ST8SIA1: variants seen among roughly 807,000 people sequenced by gnomAD.
The protein encoded by ST8SIA1 is ST8 alpha-N-acetyl-neuraminide alpha-2,8-sialyltransferase 1.
A neutral mutation model predicts 35.9 loss-of-function variants in ST8SIA1; 16 were observed. The ratio of observed to expected loss-of-function variants is 0.45; its 90% CI spans 0.30 to 0.68. The LOEUF (loss-of-function observed/expected upper bound fraction) is 0.68, where lower values mean the gene tolerates loss of function less well. Ranked by LOEUF, ST8SIA1 falls within the 30% of genes least tolerant of loss-of-function variation. The pLI, the probability that ST8SIA1 is intolerant of heterozygous loss-of-function variation, is 0.09. For missense variants in ST8SIA1, 383 were observed against 453.6 expected, an observed-to-expected ratio of 0.84 and a Z score of 1.41; for synonymous variants, 170 against 169.6, an observed-to-expected ratio of 1.00 and a Z score of -0.02.
chr12:22,268,810 A>C (rs1865878162), intron 2 of ST8SIA1, among the ~76,000 whole-genome samples: 1 of 152,128 alleles, frequency 6.6e-6, no homozygotes, highest in Non-Finnish European at 1.5e-5. Flanking sequence ...CTGGGTGGGG[A>C]CACAGCCAAA....
chr12:22,322,946 C>T (rs1333344014), intron 1 of ST8SIA1, among the ~76,000 whole-genome samples: 1 of 152,132 alleles, frequency 6.6e-6, no homozygotes, highest in Non-Finnish European at 1.5e-5. Flanking sequence ...AAATCTCTAC[C>T]TTATCATGAA....
intron 1 of ST8SIA1, among the ~76,000 whole-genome samples, chr12:22,323,803 G>A (rs1184874224): frequency 6.6e-6 from 1 of 152,104 alleles, no homozygotes; most frequent in Non-Finnish European, 1.5e-5. Context: ...AGAGCTGATC[G>A]ATGAGAACAC....
At chr12:22,243,205 A>T (rs2120732970) in intron 4 of ST8SIA1, among the ~76,000 whole-genome samples, 1 of 152,244 alleles carries the variant, frequency 6.6e-6, no homozygotes, top group East Asian at 1.9e-4. Context: ...ATAACTTCTG[A>T]TAGAATATTT....
intron 4 of ST8SIA1, among the ~76,000 whole-genome samples, chr12:22,228,008 T>A (rs1865377970): frequency 6.6e-6 from 1 of 152,218 alleles, no homozygotes; most frequent in African/African-American, 2.4e-5. Context: ...CTTCTTCTCA[T>A]CTTCCCTCCT....
At chr12:22,285,732 T>G (rs1866089516) in intron 2 of ST8SIA1, among the ~76,000 whole-genome samples, 5 of 151,982 alleles carry the variant, frequency 3.3e-5, no homozygotes, top group Admixed American at 3.3e-4. Flanking sequence ...CAGCTGGGTA[T>G]GGTGGCACAT....
intron 1 of ST8SIA1, among the ~76,000 whole-genome samples, chr12:22,305,581 AT>A (rs1866374402): frequency 6.6e-6 from 1 of 152,016 alleles, no homozygotes; most frequent in Non-Finnish European, 1.5e-5. Context: ...GGGTTTCACC[AT>A]GTTGGTCAGG....
chr12:22,296,063 C>T (rs1333170478), intron 1 of ST8SIA1, among the ~76,000 whole-genome samples: 2 of 152,118 alleles, frequency 1.3e-5, no homozygotes, highest in African/African-American at 4.8e-5. Context: ...TTTTGGGGGG[C>T]ATAATCTGCT....
intron 1 of ST8SIA1, among the ~76,000 whole-genome samples, chr12:22,298,544 G>T (rs1346319282): frequency 6.6e-6 from 1 of 152,132 alleles, no homozygotes; most frequent in African/African-American, 2.4e-5. Flanking sequence ...TTTGTGCATG[G>T]TTTTTTCCTA....
intron 4 of ST8SIA1, among the ~76,000 whole-genome samples, chr12:22,206,536 C>T (rs1202163291): frequency 6.6e-6 from 1 of 152,158 alleles, no homozygotes; most frequent in Non-Finnish European, 1.5e-5. Flanking sequence ...GCTGGCTCAG[C>T]CCAGGGAAAT....
chr12:22,323,779 C>T (rs1452360145), intron 1 of ST8SIA1, among the ~76,000 whole-genome samples: 1 of 152,158 alleles, frequency 6.6e-6, no homozygotes, highest in Non-Finnish European at 1.5e-5. Flanking sequence ...ACTGTATGTT[C>T]TCACTTATAA....
intron 1 of ST8SIA1, among the ~76,000 whole-genome samples, chr12:22,299,942 A>G (rs912308668): frequency 6.6e-6 from 1 of 152,138 alleles, no homozygotes; most frequent in Non-Finnish European, 1.5e-5. Flanking sequence ...AACATAATAT[A>G]TTCTGTGCAC....
intron 2 of ST8SIA1, among the ~76,000 whole-genome samples, chr12:22,266,807 G>A (rs1443434790): frequency 6.6e-6 from 1 of 150,446 alleles, no homozygotes; most frequent in Non-Finnish European, 1.5e-5. Context: ...TTGAAAAAAT[G>A]TGTGTACACA....
Position 22,201,543 on chromosome 12 carries a change from C to T in ST8SIA1, c.*9G>A. 1 of 1,591,122 alleles carries T rather than the reference C, an allele frequency of 6.3e-7. No homozygotes were observed. The highest frequency in any genetic ancestry group is 8.5e-7 in the Non-Finnish European group (1 of 1,170,238). On this transcript the variant is annotated 3_prime_UTR_variant, in exon 5 of 5. Coordinates refer to ENST00000396037, the MANE Select transcript of ST8SIA1 (RefSeq NM_003034.4). ...TACCCTGGTTCAGTCCTTTCTTCTT[C>T]CATTGTTCCTAGGAAGTGGGCTGGA...
At position 22,334,279 on chromosome 12, in the gene ST8SIA1, G is replaced by T. The variant is rs781178418; in HGVS notation, c.-47C>A. 27 of 1,504,470 alleles carry T rather than the reference G, an allele frequency of 1.8e-5. No homozygotes were observed. The highest frequency in any genetic ancestry group is 7.3e-5 in the Admixed American group (4 of 55,016). 93.2% of individuals were successfully genotyped at this position (1,504,470 alleles called of 1,614,324 possible). A position where few individuals can be genotyped will look rare whatever the true frequency, so the allele number is the denominator to read the frequency against. On this transcript the variant is annotated 5_prime_UTR_variant, in exon 1 of 5. Coordinates refer to ENST00000396037, the MANE Select transcript of ST8SIA1 (RefSeq NM_003034.4). ...GCGGGGGCCGGGGCCTCAGCACAAA[G>T]CTAGGCGAAGTGGCAGCGGAGGGTC...
chr12:22,273,943 G>A (rs555317950), intron 2 of ST8SIA1, among the ~76,000 whole-genome samples: 1 of 152,302 alleles, frequency 6.6e-6, no homozygotes, highest in African/African-American at 2.4e-5. Context: ...GCAAATGAAA[G>A]GTACCTGGTG....
rs371021644 is a variant in ST8SIA1, at chr12:22,265,940, G to A, written c.382-10551C>T. Among the ~76,000 whole-genome samples the A allele has an allele frequency of 1.1e-4, 17 of 151,370 alleles. No homozygotes were observed. The East Asian group carries it at 2.1e-3, about 19-fold the overall frequency. On this transcript the variant is annotated intron_variant, in intron 2 of 4. Transcript: ENST00000396037. The stretch of plus-strand genomic sequence containing the variant: ...CTTGCCCACAGACAAAAACACTTCC[G>A]ATCTTCATTGAAGCACCCACCCAGG...
chr12:22,302,090 T>G (rs931355486), intron 1 of ST8SIA1, among the ~76,000 whole-genome samples: 1 of 152,116 alleles, frequency 6.6e-6, no homozygotes, highest in Non-Finnish European at 1.5e-5. Context: ...GACAGAAAAA[T>G]TATGTTTCAA....
chr12:22,285,772 AG>A (rs1242241562), intron 2 of ST8SIA1, among the ~76,000 whole-genome samples: 2 of 148,576 alleles, frequency 1.3e-5, no homozygotes, highest in East Asian at 4.1e-4. Context: ...CAGGAGGCTG[AG>A]GCAGGAGAAC....
At position 22,195,961 on chromosome 12, in the gene ST8SIA1, G is replaced by A. The variant is rs918164800; in HGVS notation, c.*5591C>T. 1.3e-5 allele frequency: 2 copies of A among 152,128 alleles called. No homozygotes were observed. Among genetic ancestry groups the A allele is most frequent in the Admixed American group, 1.3e-4 (2 of 15,262 alleles). The allele number at this position is 152,128 out of a possible 1,614,324, so 9.4% of individuals were successfully genotyped here. A position where few individuals can be genotyped will look rare whatever the true frequency, so the allele number is the denominator to read the frequency against. On this transcript the variant is annotated 3_prime_UTR_variant, in exon 5 of 5. Coordinates refer to ENST00000396037, the MANE Select transcript of ST8SIA1 (RefSeq NM_003034.4). The stretch of plus-strand genomic sequence containing the variant: ...CAAAAGAAAGTTTAATTACATAGAA[G>A]CAGAAAGAGGCAGGATCAATATATT...
Sources: allele counts gnomAD v4.1 joint callset (sites outside exome capture counted in the v4.1 genomes callset), GRCh38; gene constraint gnomAD v4.1.1; transcripts MANE v1.5; gene names NCBI Gene and HGNC (gene_info 2026-07-23, HGNC 2026-07-21).